FIGN: variants seen among roughly 807,000 people sequenced by gnomAD.
The protein encoded by FIGN is fidgetin.
FIGN carries 11 observed loss-of-function variants against 51.3 expected under a neutral mutation model. That is an observed-to-expected ratio of 0.21 (90% CI 0.13 to 0.35). The LOEUF (loss-of-function observed/expected upper bound fraction) is 0.35. Ranked by LOEUF, FIGN falls within the 10% of genes least tolerant of loss-of-function variation. The pLI is 1.00. For missense variants in FIGN, 857 were observed against 943.6 expected (o/e 0.91, Z 1.20); for synonymous variants, 407 against 363.2 (o/e 1.12, Z -1.37).
At chr2:163,735,469 G>T (rs1301789687) in intron 1 of FIGN, among the ~76,000 whole-genome samples, 1 of 152,134 alleles carries the variant, frequency 6.6e-6, no homozygotes, top group Admixed American at 6.6e-5. Context: ...GTTAGTTCCC[G>T]AAGAAAGTCT....
At chr2:163,701,656 C>T (rs1684409495) in intron 2 of FIGN, among the ~76,000 whole-genome samples, 1 of 152,218 alleles carries the variant, frequency 6.6e-6, no homozygotes, top group Non-Finnish European at 1.5e-5. Context: ...AGCAAGGCAT[C>T]CAGACGAAGA....
intron 2 of FIGN, among the ~76,000 whole-genome samples, chr2:163,729,727 T>C (rs1684896196): frequency 2.0e-5 from 3 of 152,184 alleles, no homozygotes; most frequent in Admixed American, 2.0e-4. Flanking sequence ...AGTGATACTA[T>C]AAATGCTTTG....
intron 2 of FIGN, among the ~76,000 whole-genome samples, chr2:163,643,841 A>G (rs932335071): frequency 2.0e-5 from 3 of 147,818 alleles, no homozygotes; most frequent in Non-Finnish European, 4.5e-5. Flanking sequence ...CTGAGGCAGG[A>G]CAATCGCTTG....
chr2:163,721,459 A>C (rs1684755827), intron 2 of FIGN, among the ~76,000 whole-genome samples: 2 of 152,334 alleles, frequency 1.3e-5, no homozygotes, highest in South Asian at 4.1e-4. Flanking sequence ...TCACTGTTGA[A>C]GTCACACTGC....
chr2:163,641,063 A>G (rs1683298380), intron 2 of FIGN, among the ~76,000 whole-genome samples: 1 of 152,118 alleles, frequency 6.6e-6, no homozygotes, highest in South Asian at 2.1e-4. Flanking sequence ...TTAACATTAA[A>G]CGTGCTACGC....
chr2:163,706,464 ACTT>A (rs529891159), intron 2 of FIGN, among the ~76,000 whole-genome samples: 13 of 152,098 alleles, frequency 8.5e-5, no homozygotes, highest in South Asian at 2.1e-4. Flanking sequence ...ATTAAATGTG[ACTT>A]CTTCTTACTG....
At chr2:163,727,685 G>A (rs1684858635) in intron 2 of FIGN, among the ~76,000 whole-genome samples, 1 of 152,122 alleles carries the variant, frequency 6.6e-6, no homozygotes, top group African/African-American at 2.4e-5. Context: ...CTTTTTCCAA[G>A]CTCTTTGATA....
intron 2 of FIGN, among the ~76,000 whole-genome samples, chr2:163,620,364 G>A (rs892193812): frequency 6.6e-6 from 1 of 151,966 alleles, no homozygotes; most frequent in Non-Finnish European, 1.5e-5. Context: ...GACATACCAC[G>A]TATGTCCATA....
At chr2:163,681,291 A>G (rs980013798) in intron 2 of FIGN, among the ~76,000 whole-genome samples, 3 of 152,222 alleles carry the variant, frequency 2.0e-5, no homozygotes, top group African/African-American at 4.8e-5. Flanking sequence ...TGCTTAATGC[A>G]TAGGCTGGAA....
intron 2 of FIGN, among the ~76,000 whole-genome samples, chr2:163,712,300 C>G (rs1684598955): frequency 6.6e-6 from 1 of 152,062 alleles, no homozygotes; most frequent in African/African-American, 2.4e-5. Flanking sequence ...TGAATCTTTG[C>G]AGCATGAGAT....
Position 163,611,510 on chromosome 2 carries a change from G to A in FIGN, c.322C>T (p.Pro108Ser). 2 of 1,614,182 alleles carry A rather than the reference G, an allele frequency of 1.2e-6. No individual in the cohort carries two copies. Among genetic ancestry groups the A allele is most frequent in the Non-Finnish European group, 1.7e-6 (2 of 1,180,036 alleles). Residue 108 changes from proline (P) to serine (S), a missense_variant, in exon 3 of 3, where the codon CCC (proline) becomes TCC (serine). Transcript: ENST00000333129. The stretch of plus-strand genomic sequence containing the variant: ...TCTGAATTCAAGGAAGGCTGCCAGG[G>A]TTCACTTTCATTTTTCCGACCGTTC... ...LVNGRKNESEPWQPSLNSEAV... is the reference protein window; with the variant it reads ...LVNGRKNESESWQPSLNSEAV...
Position 163,605,395 on chromosome 2 carries a change from G to A in FIGN, c.*4157C>T, listed in dbSNP as rs1369578884. The A allele has an allele frequency of 6.6e-6, 1 of 151,978 alleles. No homozygotes were observed. Among genetic ancestry groups the A allele is most frequent in the Non-Finnish European group, 1.5e-5 (1 of 67,992 alleles). The allele number at this position is 151,978 out of a possible 1,614,324, so 9.4% of individuals were successfully genotyped here. On this transcript the variant is annotated 3_prime_UTR_variant, in exon 3 of 3. Transcript: ENST00000333129. ...TACTAATAGCTCCAGGTTTGCTAAT[G>A]TGCTTCATATAAAAATCGGCAGATG...
At chr2:163,677,401 G>C (rs927909452) in intron 2 of FIGN, among the ~76,000 whole-genome samples, 1 of 152,126 alleles carries the variant, frequency 6.6e-6, no homozygotes, top group Non-Finnish European at 1.5e-5. Flanking sequence ...GGTGTAAATG[G>C]TCTGTCTACA....
At position 163,650,142 on chromosome 2, in the gene FIGN, TAA is replaced by T. The variant is rs145236560; in HGVS notation, c.26-38338_26-38337del. Among the ~76,000 whole-genome samples, 665 of 150,410 alleles carry T rather than the reference TAA, an allele frequency of 4.4e-3. 6 individuals are homozygous for T. The highest frequency in any genetic ancestry group is 0.015 in the African/African-American group (610 of 41,118). On this transcript the variant is annotated intron_variant, in intron 2 of 2. Coordinates refer to ENST00000333129, the MANE Select transcript of FIGN (RefSeq NM_018086.4). ...AACCTTTCTTAAGCATACCTACACT[TAA>T]AAAAAAATAGAATAGATGCAGTATT...
chr2:163,636,635 G>A lies in FIGN; in HGVS notation c.26-24829C>T, dbSNP rs542275697. Among the ~76,000 whole-genome samples the A allele has an allele frequency of 9.9e-5, 15 of 152,222 alleles. No homozygotes were observed. In the South Asian group the frequency reaches 3.1e-3, roughly 32 times the overall value. ...GGTATGGATGAGCAACTGCACAATA[G>A]CTTGCTTTTGGTAAGTATTTGAATG... On this transcript the variant is annotated intron_variant, in intron 2 of 2. Transcript: ENST00000333129.
intron 2 of FIGN, among the ~76,000 whole-genome samples, chr2:163,683,510 T>C (rs1264610693): frequency 6.6e-6 from 1 of 152,188 alleles, no homozygotes; most frequent in South Asian, 2.1e-4. Context: ...AGGGAGAATC[T>C]GCAGAACTTG....
intron 2 of FIGN, among the ~76,000 whole-genome samples, chr2:163,708,685 G>A (rs1466875089): frequency 6.6e-6 from 1 of 152,120 alleles, no homozygotes; most frequent in Non-Finnish European, 1.5e-5. Context: ...TATTCAAACA[G>A]CTAAAAGTGA....
intron 2 of FIGN, among the ~76,000 whole-genome samples, chr2:163,689,797 G>A (rs533611690): frequency 6.6e-5 from 10 of 152,006 alleles, no homozygotes; most frequent in Non-Finnish European, 1.3e-4. Context: ...TAATCCATTC[G>A]CTGGTTTATG....
At chr2:163,683,784 C>T (rs2105340705) in intron 2 of FIGN, among the ~76,000 whole-genome samples, 1 of 152,218 alleles carries the variant, frequency 6.6e-6, no homozygotes, top group African/African-American at 2.4e-5. Flanking sequence ...AGGTTGAGAA[C>T]CACTGAAATA....
Sources: allele counts gnomAD v4.1 joint callset (sites outside exome capture counted in the v4.1 genomes callset), GRCh38; gene constraint gnomAD v4.1.1; transcripts MANE v1.5; gene names NCBI Gene and HGNC (gene_info 2026-07-23, HGNC 2026-07-21).